Variants in SLC8A3 observed in about 807,000 individuals in gnomAD.
The protein encoded by SLC8A3 is solute carrier family 8 member A3, also known as sodium/calcium exchanger 3.
In SLC8A3, 37 loss-of-function variants were observed where a neutral mutation model predicts 65.4. That is an observed-to-expected ratio of 0.57 (90% CI 0.44 to 0.74). The LOEUF (loss-of-function observed/expected upper bound fraction) is 0.74. Ranked by LOEUF, SLC8A3 falls within the 30% of genes least tolerant of loss-of-function variation. The pLI, the probability that SLC8A3 is intolerant of heterozygous loss-of-function variation, is 0.00. For synonymous variants in SLC8A3, 461 were observed against 444.5 expected (o/e 1.04, Z -0.47); for missense variants, 1,112 against 1,172.1 (o/e 0.95, Z 0.75).
intron 1 of SLC8A3, among the ~76,000 whole-genome samples, chr14:70,174,916 C>T (rs1317370360): frequency 6.6e-6 from 1 of 152,178 alleles, no homozygotes; most frequent in African/African-American, 2.4e-5. Context: ...AGTGGCTGCA[C>T]TGCAGCAGGG....
In SLC8A3 at chr14:70,168,152, C is replaced by A. The variant is rs957399387; in HGVS notation, c.271G>T (p.Val91Leu). The A allele has an allele frequency of 2.5e-6, 4 of 1,614,120 alleles. No individual in the cohort carries two copies. Among genetic ancestry groups the A allele is most frequent in the South Asian group, 2.2e-5 (2 of 91,070 alleles). ...FVALIYMFLG[V>L]SIIADRFMAS... ...ATGAAGCGGTCAGCAATGATGGACACCCCAAGGAACATGTATATCAGGGCC... is the reference window on the plus strand; with the variant it reads ...ATGAAGCGGTCAGCAATGATGGACAACCCAAGGAACATGTATATCAGGGCC... Residue 91 changes from valine (V) to leucine (L), a missense_variant, in exon 2 of 7, where the codon GTG (valine) becomes TTG (leucine). Transcript: ENST00000356921.
intron 2 of SLC8A3, among the ~76,000 whole-genome samples, chr14:70,078,977 T>C (rs1264437386): frequency 1.3e-5 from 2 of 152,206 alleles, no homozygotes; most frequent in Admixed American, 6.5e-5. Context: ...ACTTCTGTAT[T>C]TCCCTTTCAC....
intron 3 of SLC8A3, among the ~76,000 whole-genome samples, chr14:70,052,538 G>A (rs1377472862): frequency 1.3e-5 from 2 of 152,162 alleles, no homozygotes; most frequent in Admixed American, 6.5e-5. Flanking sequence ...TTATTCAAAG[G>A]AAATGTCTAC....
chr14:70,153,622 G>C (rs1317300070), intron 2 of SLC8A3, among the ~76,000 whole-genome samples: 2 of 152,202 alleles, frequency 1.3e-5, no homozygotes, highest in Admixed American at 6.5e-5. Flanking sequence ...GACAGGGACT[G>C]TGCCTTTCTT....
In SLC8A3 at chr14:70,045,810, T is replaced by A. The variant is rs546608404; in HGVS notation, c.*137A>T. ...TTTCAGTTAATTGCCAGGGCCTAAG[T>A]TGGGTGAAGTTCCTGGGGCTTAGGT... is the stretch of plus-strand genomic sequence containing the variant. On this transcript the variant is annotated 3_prime_UTR_variant, in exon 7 of 7. Coordinates refer to ENST00000356921, the MANE Select transcript of SLC8A3 (RefSeq NM_182932.3). The A allele has an allele frequency of 7.6e-6, 6 of 787,862 alleles. No individual in the cohort carries two copies. The African/African-American group carries it at 1.0e-4, about 14-fold the overall frequency. The allele number at this position is 787,862 out of a possible 1,614,324, so 48.8% of individuals were successfully genotyped here.
intron 2 of SLC8A3, among the ~76,000 whole-genome samples, chr14:70,125,129 T>G (rs549257615): frequency 2.6e-5 from 4 of 152,316 alleles, no homozygotes; most frequent in Admixed American, 2.6e-4. Flanking sequence ...TGGGGACCCA[T>G]AGGACAGGAG....
At chr14:70,121,957 G>A (rs924993066) in intron 2 of SLC8A3, among the ~76,000 whole-genome samples, 22 of 152,096 alleles carry the variant, frequency 1.4e-4, no homozygotes, top group African/African-American at 4.3e-4. Flanking sequence ...CAAGAAAAAG[G>A]GCCATGGCCC....
At chr14:70,172,694 A>AAAAG (rs1897625138) in intron 1 of SLC8A3, among the ~76,000 whole-genome samples, 1 of 152,016 alleles carries the variant, frequency 6.6e-6, no homozygotes, top group Non-Finnish European at 1.5e-5. Context: ...AAAAAAAAAA[A>AAAAG]AGAGAGACAC....
At chr14:70,063,675 G>A (rs915745847) in intron 2 of SLC8A3, 2 of 589,452 alleles carry the variant, frequency 3.4e-6, no homozygotes, top group Admixed American at 3.0e-5. Flanking sequence ...AGTGAAAAGA[G>A]AGCAGGAGAG....
intron 2 of SLC8A3, among the ~76,000 whole-genome samples, chr14:70,163,393 T>C (rs1313695266): frequency 4.6e-5 from 7 of 152,176 alleles, no homozygotes; most frequent in African/African-American, 1.4e-4. Context: ...AAACCAAACA[T>C]GTGAATTCGT....
chr14:70,149,610 C>A (rs996999503), intron 2 of SLC8A3, among the ~76,000 whole-genome samples: 1 of 152,264 alleles, frequency 6.6e-6, no homozygotes, highest in East Asian at 1.9e-4. Flanking sequence ...GTACTGCCTA[C>A]AGGCTGCTCC....
At chr14:70,105,185 C>T (rs1019809805) in intron 2 of SLC8A3, among the ~76,000 whole-genome samples, 9 of 151,914 alleles carry the variant, frequency 5.9e-5, no homozygotes, top group Non-Finnish European at 8.8e-5. Context: ...AAAAATTAGC[C>T]GGGCATGGTG....
At chr14:70,078,034 G>A (rs1373545474) in intron 2 of SLC8A3, among the ~76,000 whole-genome samples, 1 of 152,180 alleles carries the variant, frequency 6.6e-6, no homozygotes, top group Non-Finnish European at 1.5e-5. Flanking sequence ...CAGCTGACAG[G>A]AGCCAGCCAG....
chr14:70,113,265 T>A (rs1056962068), intron 2 of SLC8A3, among the ~76,000 whole-genome samples: 6 of 152,196 alleles, frequency 3.9e-5, no homozygotes, highest in African/African-American at 1.4e-4. Flanking sequence ...TATAGCCTAT[T>A]GCTCCTAGGT....
In SLC8A3 at chr14:70,123,113, C is replaced by T. The variant is rs745722781; in HGVS notation, c.1784+43526G>A. ...AAAAAAAATTGGCAGGGCATGGTGG[C>T]GGTTGCCTGTAATCCCAGCTACTCA... On this transcript the variant is annotated intron_variant, in intron 2 of 6. Transcript: ENST00000356921. Among the ~76,000 whole-genome samples the T allele has an allele frequency of 1.6e-3, 236 of 148,368 alleles. 3 individuals carry two copies. The highest frequency in any genetic ancestry group is 7.1e-3 in the Middle Eastern group (2 of 280).
At chr14:70,162,764 G>A (rs1896962130) in intron 2 of SLC8A3, among the ~76,000 whole-genome samples, 1 of 152,120 alleles carries the variant, frequency 6.6e-6, no homozygotes, top group South Asian at 2.1e-4. Flanking sequence ...TGGTTGCAAA[G>A]GTGAGGATTC....
chr14:70,125,148 C>T (rs1894355407), intron 2 of SLC8A3, among the ~76,000 whole-genome samples: 1 of 152,152 alleles, frequency 6.6e-6, no homozygotes, highest in Admixed American at 6.5e-5. Flanking sequence ...AGCAGTAGTT[C>T]TCAGCCCTAA....
At chr14:70,048,048 C>T (rs1886995952) in intron 6 of SLC8A3, 1 of 153,216 alleles carries the variant, frequency 6.5e-6, no homozygotes, top group African/African-American at 2.4e-5. Flanking sequence ...TAGCACAATA[C>T]TGTAACAGGC....
intron 4 of SLC8A3, among the ~76,000 whole-genome samples, 157 bp from the exon 5 acceptor site, chr14:70,051,264 C>T (rs1024179856): frequency 2.6e-5 from 4 of 152,132 alleles, no homozygotes; most frequent in Non-Finnish European, 5.9e-5. Flanking sequence ...GGCAATCCTT[C>T]TATTTCCCTT....
Sources: allele counts gnomAD v4.1 joint callset (sites outside exome capture counted in the v4.1 genomes callset), GRCh38; gene constraint gnomAD v4.1.1; transcripts MANE v1.5; gene names NCBI Gene and HGNC (gene_info 2026-07-23, HGNC 2026-07-21).